The following ATP2B2 variants were observed in gnomAD, a reference collection of about 807,000 sequenced individuals.
The protein encoded by ATP2B2 is plasma membrane calcium-transporting ATPase 2.
In ATP2B2, 15 loss-of-function variants were observed where a neutral mutation model predicts 120.0. The observed-to-expected ratio is 0.12, with a 90% CI of 0.08 to 0.19. The LOEUF (loss-of-function observed/expected upper bound fraction) is 0.19, where lower values mean the gene tolerates loss of function less well. Ranked by LOEUF, ATP2B2 falls within the 10% of genes least tolerant of loss-of-function variation. ATP2B2 has a pLI of 1.00. For synonymous variants in ATP2B2, 694 were observed against 700.3 expected, an observed-to-expected ratio of 0.99 and a Z score of 0.14; for missense variants, 1,045 against 1,719.8, an observed-to-expected ratio of 0.61 and a Z score of 6.94.
chr3:10,556,114 G>T (rs185994459), intron 2 of ATP2B2, among the ~76,000 whole-genome samples: 1 of 152,168 alleles, frequency 6.6e-6, no homozygotes, highest in African/African-American at 2.4e-5. Flanking sequence ...TGACCAGGCT[G>T]GTCTCAAACT....
chr3:10,382,404 T>C (rs1271806746), intron 8 of ATP2B2, among the ~76,000 whole-genome samples: 1 of 151,838 alleles, frequency 6.6e-6, no homozygotes, highest in Non-Finnish European at 1.5e-5. Flanking sequence ...TGGAGTGCAG[T>C]GGCATGATCT....
chr3:10,679,772 T>C (rs2071337155), intron 1 of ATP2B2, among the ~76,000 whole-genome samples: 1 of 152,184 alleles, frequency 6.6e-6, no homozygotes, highest in Non-Finnish European at 1.5e-5. Flanking sequence ...CAGAAAGATA[T>C]GTGCAATCTG....
intron 22 of ATP2B2, among the ~76,000 whole-genome samples, chr3:10,333,053 T>G (rs1296584314): frequency 6.6e-6 from 1 of 152,206 alleles, no homozygotes; most frequent in Non-Finnish European, 1.5e-5. Context: ...TGCGTCTGTC[T>G]GCTGAGGCCT....
Position 10,474,933 on chromosome 3 carries a change from T to C in ATP2B2, c.-319-25071A>G, listed in dbSNP as rs147853075. 1.2e-4 allele frequency among the ~76,000 whole-genome samples: 18 copies of C among 152,374 alleles called. No homozygotes were observed. In the East Asian group the frequency reaches 3.5e-3, roughly 29 times the overall value. ...CTGTGTCCCTGGCCCAGCATGTCCA[T>C]GGCTCATGGTGAACCCTCATGCATT... is the stretch of plus-strand genomic sequence containing the variant. On this transcript the variant is annotated intron_variant, in intron 1 of 22. Coordinates refer to ENST00000360273, the MANE Select transcript of ATP2B2 (RefSeq NM_001001331.4).
At chr3:10,439,129 C>T (rs757342807) in intron 2 of ATP2B2, among the ~76,000 whole-genome samples, 4 of 152,232 alleles carry the variant, frequency 2.6e-5, no homozygotes, top group South Asian at 2.1e-4. Flanking sequence ...TTTGAGGTCA[C>T]GAATTTTCAA....
chr3:10,470,958 C>G (rs2064962162), intron 1 of ATP2B2, among the ~76,000 whole-genome samples: 1 of 152,234 alleles, frequency 6.6e-6, no homozygotes, highest in African/African-American at 2.4e-5. Context: ...GACAACAGGC[C>G]TTGCCTCAGA....
intron 1 of ATP2B2, among the ~76,000 whole-genome samples, chr3:10,467,482 T>G (rs1035552844): frequency 6.6e-6 from 1 of 152,202 alleles, no homozygotes; most frequent in East Asian, 1.9e-4. Context: ...CCAACCATTT[T>G]TGAGTTCCCA....
Position 10,375,326 on chromosome 3 carries a change from G to T in ATP2B2, c.1416+104C>A, listed in dbSNP as rs2061351500. The T allele has an allele frequency of 1.0e-6, 1 of 985,168 alleles. No individual in the cohort carries two copies. The highest frequency in any genetic ancestry group is 1.6e-6 in the Non-Finnish European group (1 of 633,556). 61.0% of individuals were successfully genotyped at this position (985,168 alleles called of 1,614,324 possible). A position where few individuals can be genotyped will look rare whatever the true frequency, so the allele number is the denominator to read the frequency against. On this transcript the variant is annotated intron_variant, in intron 11 of 22. Coordinates refer to ENST00000360273, the MANE Select transcript of ATP2B2 (RefSeq NM_001001331.4). This position sits in a 1 kb window ranked among gnomAD's most constrained non-coding sequence, Gnocchi z 4.2. ...TCCAAGCTCCTAGGGGGTCTATGGG[G>T]CTTCTTCGTTCATCTCCCAACCCCA...
intron 2 of ATP2B2, among the ~76,000 whole-genome samples, chr3:10,435,776 A>AGGAG (rs1258207920): frequency 6.6e-6 from 1 of 152,192 alleles, no homozygotes; most frequent in African/African-American, 2.4e-5. Flanking sequence ...TGGGTCCTTC[A>AGGAG]GTTCACTGTT....
intron 5 of ATP2B2, chr3:10,394,419 C>T: frequency 2.1e-6 from 1 of 470,378 alleles, no homozygotes; most frequent in East Asian, 7.0e-5. Context: ...CCACCCACCA[C>T]TTTCTGGCTC....
rs554233001 is a variant in ATP2B2 at position 10,521,494 on chromosome 3, G to T, written c.-320+12545C>A. Among the ~76,000 whole-genome samples, 3 of 152,316 alleles carry T rather than the reference G, an allele frequency of 2.0e-5. No individual in the cohort carries two copies. In the South Asian group the frequency reaches 6.2e-4, roughly 32 times the overall value. On this transcript the variant is annotated intron_variant, in intron 3 of 21. Coordinates refer to the ATP2B2 transcript ENST00000646379. ...CAGGTGTTTAATCTCTGGGCCATTT[G>T]TTCTTGATCCAGAATGATTTGTCTG...
chr3:10,518,722 C>G (rs1031910418), intron 3 of ATP2B2, among the ~76,000 whole-genome samples: 6 of 152,256 alleles, frequency 3.9e-5, no homozygotes, highest in Non-Finnish European at 8.8e-5. Flanking sequence ...ACTCATGCCT[C>G]TGAGGGAGGC....
intron 1 of ATP2B2, among the ~76,000 whole-genome samples, chr3:10,499,367 G>C (rs2066288147): frequency 6.6e-6 from 1 of 152,168 alleles, no homozygotes; most frequent in Non-Finnish European, 1.5e-5. Context: ...CTAACCCTTG[G>C]TTTACGGAGG....
chr3:10,349,505 C>G (rs1310548986), intron 16 of ATP2B2, among the ~76,000 whole-genome samples: 2 of 151,980 alleles, frequency 1.3e-5, no homozygotes, highest in Admixed American at 1.3e-4. Flanking sequence ...ACCTGGCCAC[C>G]TAGGCTCAGC....
intron 2 of ATP2B2, among the ~76,000 whole-genome samples, chr3:10,590,553 T>C (rs934589064): frequency 4.6e-5 from 7 of 152,224 alleles, no homozygotes; most frequent in African/African-American, 2.4e-5. Flanking sequence ...CTGCCTCCCC[T>C]GCATGACAGC....
chr3:10,465,647 C>T (rs1440609572), intron 1 of ATP2B2, among the ~76,000 whole-genome samples: 1 of 152,252 alleles, frequency 6.6e-6, no homozygotes, highest in Non-Finnish European at 1.5e-5. Context: ...ACCATACTTA[C>T]TCCCTGCCCC....
chr3:10,581,787 A>G (rs888734628), intron 2 of ATP2B2, among the ~76,000 whole-genome samples: 6 of 152,212 alleles, frequency 3.9e-5, no homozygotes, highest in East Asian at 1.9e-4. Flanking sequence ...CTGAGCCTCA[A>G]TTTCCTCATC....
At chr3:10,434,492 G>C (rs1250047559) in intron 2 of ATP2B2, among the ~76,000 whole-genome samples, 1 of 152,216 alleles carries the variant, frequency 6.6e-6, no homozygotes, top group African/African-American at 2.4e-5. Context: ...GCCATAAATG[G>C]GAGAGGAAGA....
At chr3:10,661,784 T>A (rs557418616) in intron 1 of ATP2B2, among the ~76,000 whole-genome samples, 14 of 152,214 alleles carry the variant, frequency 9.2e-5, no homozygotes, top group South Asian at 8.3e-4. Flanking sequence ...AAGAACCTGC[T>A]TTGCCAAGTC....
Sources: gnomAD v4.1 joint callset for allele counts (sites outside exome capture counted in the v4.1 genomes callset) on GRCh38, gnomAD v4.1.1 for gene constraint, Gnocchi (gnomAD v3.1) non-coding constraint, MANE v1.5 for transcripts, NCBI Gene and HGNC (gene_info 2026-07-23, HGNC 2026-07-21) for gene names.